Variants in ATXN1 observed in about 807,000 individuals in gnomAD.
ATXN1 encodes ataxin 1, also known as ataxin-1.
ATXN1 carries 8 observed loss-of-function variants against 56.4 expected under a neutral mutation model. The observed-to-expected ratio is 0.14, with a 90% CI of 0.08 to 0.26. The LOEUF (loss-of-function observed/expected upper bound fraction) is 0.26, where lower values mean the gene tolerates loss of function less well. ATXN1 is among the 10% of genes least tolerant of loss of function. The pLI, the probability that ATXN1 is intolerant of heterozygous loss-of-function variation, is 1.00. For synonymous variants in ATXN1, 514 were observed against 494.6 expected (o/e 1.04, Z -0.52); for missense variants, 987 against 1,106.5 (o/e 0.89, Z 1.53).
intron 4 of ATXN1, among the ~76,000 whole-genome samples, chr6:16,540,384 T>C (rs1358696241): frequency 6.6e-6 from 1 of 152,094 alleles, no homozygotes; most frequent in African/African-American, 2.4e-5. Context: ...GCTAATTTTT[T>C]ATATTTTTAG....
intron 6 of ATXN1, among the ~76,000 whole-genome samples, chr6:16,458,395 A>G (rs1472381621): frequency 6.6e-6 from 1 of 152,212 alleles, no homozygotes; most frequent in African/African-American, 2.4e-5. Flanking sequence ...AGGCCTTAAG[A>G]AAATATACTC....
intron 3 of ATXN1, among the ~76,000 whole-genome samples, chr6:16,601,103 T>C (rs1233311227): frequency 6.6e-6 from 1 of 152,216 alleles, no homozygotes; most frequent in East Asian, 1.9e-4. Flanking sequence ...CCTACTAAGC[T>C]ATGTGATGGG....
Position 16,410,981 on chromosome 6 carries a change from C to T in ATXN1, c.-161+74991G>A, listed in dbSNP as rs147419552. On this transcript the variant is annotated intron_variant, in intron 6 of 7. Coordinates refer to ENST00000436367, the MANE Select transcript of ATXN1 (RefSeq NM_001128164.2). This position sits in a 1 kb window ranked among gnomAD's most constrained non-coding sequence, Gnocchi z 4.6. ...CTCTACCAAAAATACAAAAATTAGCCGTGTGTAGTAGCACATGCCTGTAGT... is the reference window on the plus strand; with the variant it reads ...CTCTACCAAAAATACAAAAATTAGCTGTGTGTAGTAGCACATGCCTGTAGT... 3.1e-3 allele frequency among the ~76,000 whole-genome samples: 464 copies of T among 151,958 alleles called. 4 individuals are homozygous for T. Among genetic ancestry groups the T allele is most frequent in the African/African-American group, 0.011 (437 of 41,466 alleles).
rs1287271143 is a variant in ATXN1, at chr6:16,359,675, G to A, written c.-160-31205C>T. ...ATAGAGAGGAGCTCCCCACTCCTCC[G>A]AGTTGTTCTAACACTAAATAAAACT... On this transcript the variant is annotated intron_variant, in intron 6 of 7. Transcript: ENST00000436367. Among the ~76,000 whole-genome samples the A allele has an allele frequency of 4.3e-4, 65 of 152,272 alleles. 1 individual carries two copies. Among genetic ancestry groups the A allele is most frequent in the Non-Finnish European group, 1.9e-4 (13 of 68,022 alleles).
chr6:16,563,809 TC>T (rs11324781), intron 4 of ATXN1, among the ~76,000 whole-genome samples: 12,848 of 152,172 alleles, frequency 0.084, 1,741 homozygotes, highest in African/African-American at 0.29. Context: ...GCCGCTGCAC[TC>T]AGACACAGAG....
At chr6:16,354,357 A>G (rs1208407436) in intron 6 of ATXN1, among the ~76,000 whole-genome samples, 3 of 151,996 alleles carry the variant, frequency 2.0e-5, no homozygotes, top group Non-Finnish European at 4.4e-5. Flanking sequence ...TCCTGGGTTC[A>G]AGCGATTCTC....
At chr6:16,383,247 T>A (rs746552830) in intron 6 of ATXN1, among the ~76,000 whole-genome samples, 2 of 152,240 alleles carry the variant, frequency 1.3e-5, no homozygotes, top group African/African-American at 4.8e-5. Flanking sequence ...TATGACTTGC[T>A]ATATTTTTCT....
intron 7 of ATXN1, among the ~76,000 whole-genome samples, chr6:16,318,590 A>G (rs1760569013): frequency 1.3e-5 from 2 of 152,200 alleles, no homozygotes; most frequent in Non-Finnish European, 2.9e-5. Context: ...GCTTTGGCTG[A>G]GTGTAAGAAT....
In ATXN1 at chr6:16,756,569, T is replaced by G. The variant is rs180674864; in HGVS notation, c.-729-3222A>C. On this transcript the variant is annotated intron_variant, in intron 1 of 7. Coordinates refer to ENST00000436367, the MANE Select transcript of ATXN1 (RefSeq NM_001128164.2). ...AACTAAATCTGTTATTTGAAGCAAT[T>G]AAGCTGCACAGATCTAAATCTCTCA... 2.5e-3 allele frequency among the ~76,000 whole-genome samples: 382 copies of G among 152,324 alleles called. 2 individuals carry two copies. Among genetic ancestry groups the G allele is most frequent in the African/African-American group, 8.5e-3 (354 of 41,584 alleles).
chr6:16,560,371 G>A, intron 4 of ATXN1, among the ~76,000 whole-genome samples: 1 of 141,566 alleles, frequency 7.1e-6, no homozygotes, highest in Non-Finnish European at 1.6e-5. Flanking sequence ...GGAGGTTGCA[G>A]TGCACCGAGA....
intron 6 of ATXN1, among the ~76,000 whole-genome samples, chr6:16,465,252 C>A (rs1446623857): frequency 6.6e-6 from 1 of 152,010 alleles, no homozygotes; most frequent in Non-Finnish European, 1.5e-5. Context: ...CACCAAAGGG[C>A]AGGAGACCAG....
At chr6:16,715,135 C>T (rs7738187) in intron 2 of ATXN1, among the ~76,000 whole-genome samples, 29,517 of 152,126 alleles carry the variant, frequency 0.19, 3,421 homozygotes, top group South Asian at 0.26. Flanking sequence ...ATCGTCCACA[C>T]TGGGTCAAAT....
At chr6:16,691,823 C>A (rs1173270606) in intron 2 of ATXN1, among the ~76,000 whole-genome samples, 3 of 152,214 alleles carry the variant, frequency 2.0e-5, no homozygotes, top group Non-Finnish European at 4.4e-5. Flanking sequence ...TAACTCCCCA[C>A]GTGATAGTAT....
intron 3 of ATXN1, among the ~76,000 whole-genome samples, chr6:16,605,847 A>C (rs1316341808): frequency 1.3e-5 from 2 of 152,180 alleles, no homozygotes; most frequent in East Asian, 3.9e-4. Context: ...AACGATACTG[A>C]CCAGGTGTAG....
At chr6:16,638,396 AG>A in intron 3 of ATXN1, among the ~76,000 whole-genome samples, 1 of 151,490 alleles carries the variant, frequency 6.6e-6, no homozygotes, top group Non-Finnish European at 1.5e-5. Context: ...CAGTGAGCCA[AG>A]ATCACAACAC....
intron 2 of ATXN1, among the ~76,000 whole-genome samples, chr6:16,751,277 C>A (rs1760711076): frequency 1.3e-5 from 2 of 152,096 alleles, no homozygotes; most frequent in Non-Finnish European, 2.9e-5. Flanking sequence ...CCCACCCTAC[C>A]TTTTTCATTC....
intron 3 of ATXN1, among the ~76,000 whole-genome samples, chr6:16,638,070 G>A (rs1475468111): frequency 6.6e-6 from 1 of 152,076 alleles, no homozygotes; most frequent in Non-Finnish European, 1.5e-5. Context: ...AATCAGGGGT[G>A]GATCCAGTCT....
chr6:16,493,019 G>A (rs1232120182), intron 5 of ATXN1, among the ~76,000 whole-genome samples: 1 of 151,812 alleles, frequency 6.6e-6, no homozygotes, highest in Non-Finnish European at 1.5e-5. Context: ...TATCTTCACC[G>A]CCCCATGCTA....
rs951944319 is a variant in ATXN1 at position 16,466,643 on chromosome 6, C to T, written c.-161+19329G>A. Among the ~76,000 whole-genome samples, 24 of 152,128 alleles carry T rather than the reference C, an allele frequency of 1.6e-4. 1 individual carries two copies. The East Asian group carries it at 3.1e-3, about 20-fold the overall frequency. On this transcript the variant is annotated intron_variant, in intron 6 of 7. Coordinates refer to ENST00000436367, the MANE Select transcript of ATXN1 (RefSeq NM_001128164.2). The stretch of plus-strand genomic sequence containing the variant: ...TTTTGCAATGTGAGAGAAGAAATTT[C>T]GGAAAAGTAGATCAAGCACGATTCT...
Sources: gnomAD v4.1 joint callset for allele counts (sites outside exome capture counted in the v4.1 genomes callset) on GRCh38, gnomAD v4.1.1 for gene constraint, Gnocchi (gnomAD v3.1) non-coding constraint, MANE v1.5 for transcripts, NCBI Gene and HGNC (gene_info 2026-07-23, HGNC 2026-07-21) for gene names.